The following SPAG16 variants were observed in gnomAD, a reference collection of about 807,000 sequenced individuals.
The protein encoded by SPAG16 is sperm associated antigen 16.
In SPAG16, 86 loss-of-function variants were observed where a neutral mutation model predicts 80.4. The observed-to-expected ratio is 1.07, with a 90% CI of 0.90 to 1.28. The LOEUF (loss-of-function observed/expected upper bound fraction) is 1.28. SPAG16 is among the 50% of genes most tolerant of loss of function. The probability of loss-of-function intolerance (pLI) is 0.00; values close to 1 mark genes in which losing one functional copy is unlikely to be tolerated. For missense variants in SPAG16, 870 were observed against 765.3 expected, an observed-to-expected ratio of 1.14 and a Z score of -1.61; for synonymous variants, 294 against 265.9, an observed-to-expected ratio of 1.11 and a Z score of -1.03.
chr2:213,907,025 T>C (rs1413307532), intron 11 of SPAG16, among the ~76,000 whole-genome samples: 3 of 151,998 alleles, frequency 2.0e-5, no homozygotes, highest in Non-Finnish European at 4.4e-5. Flanking sequence ...TATATCAAAC[T>C]AAAAAGCTTT....
chr2:213,770,773 G>A (rs1442817077), intron 10 of SPAG16, among the ~76,000 whole-genome samples: 1 of 152,074 alleles, frequency 6.6e-6, no homozygotes, highest in Non-Finnish European at 1.5e-5. Context: ...CTCCATCCAT[G>A]TCCCTGCAAC....
intron 13 of SPAG16, among the ~76,000 whole-genome samples, chr2:214,037,085 A>T (rs1048681760): frequency 6.6e-6 from 1 of 151,884 alleles, no homozygotes; most frequent in Non-Finnish European, 1.5e-5. Flanking sequence ...TGTATTTTTA[A>T]GCAGATAATT....
intron 11 of SPAG16, among the ~76,000 whole-genome samples, chr2:213,914,081 G>A (rs1010562266): frequency 1.3e-5 from 2 of 152,020 alleles, no homozygotes; most frequent in Non-Finnish European, 2.9e-5. Context: ...TAGTAAAACT[G>A]ACGCATAAAA....
intron 14 of SPAG16, among the ~76,000 whole-genome samples, chr2:214,125,706 A>G (rs575200181): frequency 8.6e-5 from 13 of 151,894 alleles, no homozygotes; most frequent in African/African-American, 2.6e-4. Context: ...ACAGGAAGAA[A>G]GATATGGCAC....
At chr2:214,068,434 C>G (rs1239699766) in intron 13 of SPAG16, among the ~76,000 whole-genome samples, 1 of 152,006 alleles carries the variant, frequency 6.6e-6, no homozygotes, top group Non-Finnish European at 1.5e-5. Flanking sequence ...CTAATTTGCC[C>G]AAGTTTTATC....
chr2:214,017,857 C>A (rs1374304466), intron 13 of SPAG16, among the ~76,000 whole-genome samples: 1 of 152,048 alleles, frequency 6.6e-6, no homozygotes, highest in African/African-American at 2.4e-5. Flanking sequence ...ATTATTATTG[C>A]TATTTTGTTA....
At chr2:213,341,103 G>A (rs1052846048) in intron 6 of SPAG16, among the ~76,000 whole-genome samples, 1 of 152,082 alleles carries the variant, frequency 6.6e-6, no homozygotes, top group Non-Finnish European at 1.5e-5. Context: ...TGGTAAAGAA[G>A]CACACATTAC....
intron 15 of SPAG16, among the ~76,000 whole-genome samples, chr2:214,173,379 G>C (rs903998043): frequency 6.6e-5 from 10 of 151,944 alleles, no homozygotes; most frequent in Admixed American, 6.6e-5. Flanking sequence ...GCTTGTTTTT[G>C]TCAGGTTTGT....
At chr2:213,361,378 G>A (rs73990308) in intron 7 of SPAG16, among the ~76,000 whole-genome samples, 2,378 of 147,072 alleles carry the variant, frequency 0.016, 54 homozygotes, top group African/African-American at 0.054. Context: ...GTGTGTGTGT[G>A]TATATATATA....
intron 10 of SPAG16, among the ~76,000 whole-genome samples, chr2:213,660,358 C>T (rs1178310472): frequency 2.0e-5 from 3 of 151,738 alleles, no homozygotes; most frequent in Non-Finnish European, 2.9e-5. Flanking sequence ...CAACCTCTGC[C>T]TCCTGGGTGC....
chr2:213,586,120 T>C (rs960948058), intron 10 of SPAG16, among the ~76,000 whole-genome samples: 4 of 152,218 alleles, frequency 2.6e-5, no homozygotes, highest in African/African-American at 9.7e-5. Context: ...TTTGAAATCT[T>C]ACCCCTAGAA....
intron 6 of SPAG16, among the ~76,000 whole-genome samples, chr2:213,344,063 C>T (rs1471997033): frequency 6.6e-6 from 1 of 152,096 alleles, no homozygotes; most frequent in Non-Finnish European, 1.5e-5. Flanking sequence ...TTAGCCAGGA[C>T]TGTACTTATT....
chr2:213,550,695 A>T (rs192266116), intron 10 of SPAG16, among the ~76,000 whole-genome samples: 1 of 152,230 alleles, frequency 6.6e-6, no homozygotes, highest in African/African-American at 2.4e-5. Context: ...TACAAATATT[A>T]TGTTCCAACT....
chr2:213,506,251 T>A (rs2074962521), intron 10 of SPAG16, among the ~76,000 whole-genome samples: 2 of 152,138 alleles, frequency 1.3e-5, no homozygotes, highest in Admixed American at 1.3e-4. Flanking sequence ...CTATGTATTA[T>A]ATAGAAACAT....
At chr2:214,256,483 TCTC>T (rs2125860623) in intron 15 of SPAG16, among the ~76,000 whole-genome samples, 1 of 152,068 alleles carries the variant, frequency 6.6e-6, no homozygotes, top group South Asian at 2.1e-4. Flanking sequence ...GAAAAGGTAT[TCTC>T]CTTTGCTGTT....
chr2:214,274,855 A>T (rs1692328532), intron 15 of SPAG16, among the ~76,000 whole-genome samples: 1 of 152,186 alleles, frequency 6.6e-6, no homozygotes, highest in Non-Finnish European at 1.5e-5. Context: ...TGATTGGAAT[A>T]GTTTCAGAAG....
chr2:213,733,721 T>C (rs1306007127), intron 10 of SPAG16, among the ~76,000 whole-genome samples: 2 of 152,174 alleles, frequency 1.3e-5, no homozygotes, highest in Non-Finnish European at 2.9e-5. Flanking sequence ...TTCCAGTGGC[T>C]TCTGTTTCAA....
At chr2:213,405,976 C>CA (rs1247639898) in intron 9 of SPAG16, among the ~76,000 whole-genome samples, 5 of 151,704 alleles carry the variant, frequency 3.3e-5, no homozygotes, top group African/African-American at 1.2e-4. Flanking sequence ...TGAAGTATGC[C>CA]AAAAAAGAGG....
At chr2:214,021,209 CAT>C (rs1491143888) in intron 13 of SPAG16, among the ~76,000 whole-genome samples, 3 of 152,086 alleles carry the variant, frequency 2.0e-5, no homozygotes, top group Admixed American at 6.6e-5. Context: ...GAGTAGAAAA[CAT>C]TTTTTTGGTC....
Sources: allele counts gnomAD v4.1 joint callset (sites outside exome capture counted in the v4.1 genomes callset), GRCh38; gene constraint gnomAD v4.1.1; transcripts MANE v1.5; gene names NCBI Gene and HGNC (gene_info 2026-07-23, HGNC 2026-07-21).